Variants in SLC26A2 observed in about 807,000 individuals in gnomAD.
SLC26A2 encodes the protein solute carrier family 26 member 2.
A neutral mutation model predicts 41.1 loss-of-function variants in SLC26A2; 36 were observed. That is an observed-to-expected ratio of 0.88 (90% confidence interval 0.67 to 1.16). The LOEUF is 1.16. SLC26A2 is among the 50% of genes most tolerant of loss of function. The probability of loss-of-function intolerance (pLI) is 0.00; values close to 1 mark genes in which losing one functional copy is unlikely to be tolerated. For missense variants in SLC26A2, 796 were observed against 869.6 expected (o/e 0.92, Z 1.07); for synonymous variants, 291 against 311.6 (o/e 0.93, Z 0.70).
chr5:149,980,170 A>G, intron 2 of SLC26A2, 123 bp from the exon 3 acceptor site: 2 of 810,132 alleles, frequency 2.5e-6, no homozygotes, highest in Non-Finnish European at 4.3e-6. Context: ...GATTGTGTTT[A>G]TTCTAGCTCT....
In SLC26A2 at chr5:149,978,280, A is replaced by ACTGTT. The variant is rs1163892646; in HGVS notation, c.628_629insCTGTT (p.Arg210ThrfsTer18). ...CACATTATTAAATCATACATCAGAC[A>ACTGTT]GGATATGTGACAAAAGTTGCTATGC... On this transcript the variant is annotated frameshift_variant, in exon 2 of 3. Coordinates refer to ENST00000286298, the MANE Select transcript of SLC26A2 (RefSeq NM_000112.4). LOFTEE classifies it high-confidence loss of function. The ACTGTT allele has an allele frequency of 1.2e-6, 2 of 1,614,004 alleles. No individual in the cohort carries two copies. Among genetic ancestry groups the ACTGTT allele is most frequent in the African/African-American group, 1.3e-5 (1 of 74,924 alleles).
chr5:149,966,710 A>G (rs566601454), intron 1 of SLC26A2, among the ~76,000 whole-genome samples: 1 of 152,258 alleles, frequency 6.6e-6, no homozygotes, highest in East Asian at 1.9e-4. Flanking sequence ...TTGGTGCTCA[A>G]AAGTTTCAGA....
rs1223696506 is a variant in SLC26A2 at position 149,981,452 on chromosome 5, A to C, written c.1859A>C (p.Lys620Thr). 6.2e-7 allele frequency: 1 copy of C among 1,614,086 alleles called. No homozygotes were observed. The highest frequency in any genetic ancestry group is 1.3e-5 in the African/African-American group (1 of 74,948). ...KVAWKKAAKR[K>T]IKEKVVTLGG... ...GCTTGGAAGAAGGCAGCAAAGAGAA[A>C]GATCAAAGAAAAAGTAGTGACTCTT... Residue 620 changes from lysine to threonine, a missense_variant, in exon 3 of 3, where the codon AAG becomes ACG. Coordinates refer to ENST00000286298, the MANE Select transcript of SLC26A2 (RefSeq NM_000112.4).
chr5:149,978,231 C>G lies in SLC26A2; in HGVS notation c.579C>G (p.Ser193=). 6.2e-7 allele frequency: 1 copy of G among 1,614,116 alleles called. No individual in the cohort carries two copies. The highest frequency in any genetic ancestry group is 1.3e-5 in the African/African-American group (1 of 75,042). Reference sequence around the variant, plus strand: ...ATGACAATGCCCATAGTGCTCCTTCCTTAGGAATGGTTTCAAATGGGAGCA... The same window carrying G: ...ATGACAATGCCCATAGTGCTCCTTCGTTAGGAATGGTTTCAAATGGGAGCA... The part of the protein sequence containing the change: ...AGYDNAHSAP[S]LGMVSNGSTL... The change falls in exon 2 of 3, where the codon TCC becomes TCG. Residue 193 remains serine, a synonymous_variant. Transcript: ENST00000286298.
Position 149,986,444 on chromosome 5 carries a change from G to T in SLC26A2, c.*4631G>T, listed in dbSNP as rs1755201559. ...AAATACGTTAAAGGTAAATTTTTAA[G>T]GTTTAAAAAAAATTTAGTAACTTAC... On this transcript the variant is annotated 3_prime_UTR_variant, in exon 3 of 3. Transcript: ENST00000286298. 6.6e-6 allele frequency: 1 copy of T among 151,812 alleles called. No homozygotes were observed. Among genetic ancestry groups the T allele is most frequent in the Admixed American group, 6.6e-5 (1 of 15,254 alleles). 9.4% of individuals were successfully genotyped at this position (151,812 alleles called of 1,614,324 possible).
At chr5:149,969,763 G>A (rs1361487294) in intron 1 of SLC26A2, among the ~76,000 whole-genome samples, 1 of 152,214 alleles carries the variant, frequency 6.6e-6, no homozygotes, top group East Asian at 1.9e-4. Flanking sequence ...AACCTAGTGT[G>A]ACCTTTTCCT....
rs1209528978 is a variant in SLC26A2, at chr5:149,985,468, CTT to C, written c.*3658_*3659del. 3.9e-5 allele frequency: 6 copies of C among 152,166 alleles called. No homozygotes were observed. The highest frequency in any genetic ancestry group is 9.7e-5 in the African/African-American group (4 of 41,430). The allele number at this position is 152,166 out of a possible 1,614,324, so 9.4% of individuals were successfully genotyped here. On this transcript the variant is annotated 3_prime_UTR_variant, in exon 3 of 3. Coordinates refer to ENST00000286298, the MANE Select transcript of SLC26A2 (RefSeq NM_000112.4). ...AGGTGTTAGATGAGTTCATTAGACT[CTT>C]TTAATGCTAATGGCTAGTACGTTTA...
Position 149,982,242 on chromosome 5 carries a change from C to T in SLC26A2, c.*429C>T, listed in dbSNP as rs1755121832. ...TGGAGAGAGGGAAAGAATGTTGCACCTGCTCTAGTACCATAGGTCAAGAGG... is the reference window on the plus strand; with the variant it reads ...TGGAGAGAGGGAAAGAATGTTGCACTTGCTCTAGTACCATAGGTCAAGAGG... On this transcript the variant is annotated 3_prime_UTR_variant, in exon 3 of 3. Transcript: ENST00000286298. The T allele has an allele frequency of 6.0e-6, 1 of 166,844 alleles. No individual in the cohort carries two copies. Among genetic ancestry groups the T allele is most frequent in the South Asian group, 1.6e-4 (1 of 6,188 alleles). The allele number at this position is 166,844 out of a possible 1,614,324, so 10.3% of individuals were successfully genotyped here.
chr5:149,978,678 T>A (rs568433072), intron 2 of SLC26A2, among the ~76,000 whole-genome samples: 1 of 151,022 alleles, frequency 6.6e-6, no homozygotes, highest in African/African-American at 2.4e-5. Context: ...GAGTTGAGAG[T>A]GCAGGAGTTT....
chr5:149,966,157 G>A lies in SLC26A2; in HGVS notation c.-26+5178G>A, dbSNP rs137919666. Among the ~76,000 whole-genome samples the A allele has an allele frequency of 1.7e-3, 254 of 152,264 alleles. No individual in the cohort carries two copies. In the Middle Eastern group the frequency reaches 0.021, roughly 12 times the overall value. On this transcript the variant is annotated intron_variant, in intron 1 of 2. Transcript: ENST00000286298. Reference sequence around the variant, plus strand: ...TGAGCTCAAGTGATCCGCATGCCTCGGCCTTCCGAAGTGCTGAGATTATAG... The same window carrying A: ...TGAGCTCAAGTGATCCGCATGCCTCAGCCTTCCGAAGTGCTGAGATTATAG...
At chr5:149,978,377 A>G (rs1225286303) in intron 2 of SLC26A2, 26 bp downstream of exon 2, 6 of 1,551,514 alleles carry the variant, frequency 3.9e-6, no homozygotes, top group South Asian at 1.1e-5. Flanking sequence ...ACAATTGGTT[A>G]TTTCTAGAAA....
At chr5:149,969,505 T>C (rs938590037) in intron 1 of SLC26A2, among the ~76,000 whole-genome samples, 1 of 152,226 alleles carries the variant, frequency 6.6e-6, no homozygotes, top group African/African-American at 2.4e-5. Context: ...TTCTTCTCCA[T>C]CTTCCTGTAT....
At chr5:149,976,741 G>A (rs1330296421) in intron 1 of SLC26A2, among the ~76,000 whole-genome samples, 2 of 152,198 alleles carry the variant, frequency 1.3e-5, no homozygotes, top group African/African-American at 4.8e-5. Context: ...AGGACACAGA[G>A]ATGAAGGATC....
rs1755207370 is a variant in SLC26A2 at position 149,986,803 on chromosome 5, T to G, written c.*4990T>G. The G allele has an allele frequency of 6.6e-6, 1 of 152,252 alleles. No individual in the cohort carries two copies. Among genetic ancestry groups the G allele is most frequent in the South Asian group, 2.1e-4 (1 of 4,832 alleles). The allele number at this position is 152,252 out of a possible 1,614,324, so 9.4% of individuals were successfully genotyped here. On this transcript the variant is annotated 3_prime_UTR_variant, in exon 3 of 3. Coordinates refer to ENST00000286298, the MANE Select transcript of SLC26A2 (RefSeq NM_000112.4). ...AACTGAAGCTTTAATCAACTTATTTTGGAGATGTTCTCTTCCCTTATCTCA... is the reference window on the plus strand; with the variant it reads ...AACTGAAGCTTTAATCAACTTATTTGGGAGATGTTCTCTTCCCTTATCTCA...
chr5:149,981,694 A>C lies in SLC26A2; in HGVS notation c.2101A>C (p.Lys701Gln). ...RDSLTNGEYCKKEEENLLFYS... is the reference protein window; with the variant it reads ...RDSLTNGEYCQKEEENLLFYS... ...TTCCCTAACCAACGGAGAATATTGC[A>C]AAAAGGAAGAAGAAAACCTTCTCTT... Residue 701 changes from lysine (K) to glutamine (Q), a missense_variant, in exon 3 of 3, where the codon AAA becomes CAA. Transcript: ENST00000286298. 1 of 1,611,642 alleles carries C rather than the reference A, an allele frequency of 6.2e-7. No individual in the cohort carries two copies. Among genetic ancestry groups the C allele is most frequent in the East Asian group, 2.2e-5 (1 of 44,870 alleles).
At chr5:149,970,688 G>A (rs1055471077) in intron 1 of SLC26A2, among the ~76,000 whole-genome samples, 6 of 152,328 alleles carry the variant, frequency 3.9e-5, no homozygotes, top group South Asian at 2.1e-4. Context: ...CAAAAAGGGA[G>A]GCAGTGTTCA....
At chr5:149,977,406 A>C (rs1193523323) in intron 1 of SLC26A2, among the ~76,000 whole-genome samples, 2 of 152,200 alleles carry the variant, frequency 1.3e-5, no homozygotes, top group African/African-American at 4.8e-5. Context: ...TCCTGTACCC[A>C]GCCAGTTATT....
rs886060227 is a variant in SLC26A2 at position 149,982,029 on chromosome 5, T to G, written c.*216T>G. On this transcript the variant is annotated 3_prime_UTR_variant, in exon 3 of 3. Coordinates refer to ENST00000286298, the MANE Select transcript of SLC26A2 (RefSeq NM_000112.4). ...AAAGAAGAAAATACGGTTTCAGGCT[T>G]TCTTGCAGATATGAAGTATTCTTGG... The G allele has an allele frequency of 4.1e-5, 23 of 564,948 alleles. No homozygotes were observed. The highest frequency in any genetic ancestry group is 6.9e-5 in the Non-Finnish European group (22 of 319,916). The allele number at this position is 564,948 out of a possible 1,614,324, so 35.0% of individuals were successfully genotyped here. A position where few individuals can be genotyped will look rare whatever the true frequency, so the allele number is the denominator to read the frequency against.
At chr5:149,963,080 C>CTATATATA (rs550574561) in intron 1 of SLC26A2, among the ~76,000 whole-genome samples, 1,457 of 100,788 alleles carry the variant, frequency 0.014, 32 homozygotes, top group African/African-American at 0.05. Context: ...GGCAGTGGTG[C>CTATATATA]TATATTTATT....
Sources: gnomAD v4.1 joint callset for allele counts (sites outside exome capture counted in the v4.1 genomes callset) on GRCh38, gnomAD v4.1.1 for gene constraint, MANE v1.5 for transcripts, NCBI Gene and HGNC (gene_info 2026-07-23, HGNC 2026-07-21) for gene names.